Variants in PHACTR3 observed in about 807,000 individuals in gnomAD.
The protein encoded by PHACTR3 is phosphatase and actin regulator 3.
PHACTR3 carries 16 observed loss-of-function variants against 66.8 expected under a neutral mutation model. That is an observed-to-expected ratio of 0.24 (90% CI 0.16 to 0.36). The LOEUF is 0.36. PHACTR3 is among the 10% of genes least tolerant of loss of function. PHACTR3 has a pLI of 1.00. For synonymous variants in PHACTR3, 323 were observed against 292.1 expected (o/e 1.11, Z -1.08); for missense variants, 647 against 719.9 (o/e 0.90, Z 1.16).
chr20:59,702,145 A>G (rs2037530003), intron 1 of PHACTR3, among the ~76,000 whole-genome samples: 1 of 152,130 alleles, frequency 6.6e-6, no homozygotes, highest in Non-Finnish European at 1.5e-5. Context: ...ATTTTTTGGC[A>G]TATGGTCATT....
At chr20:59,605,846 C>CGGGGGGT (rs1555876867) in intron 1 of PHACTR3, among the ~76,000 whole-genome samples, 141 of 7,734 alleles carry the variant, frequency 0.018, no homozygotes, top group Middle Eastern at 0.12. Flanking sequence ...CCTAATAAAG[C>CGGGGGGT]GGGGGGGGAG....
At position 59,747,848 on chromosome 20, in the gene PHACTR3, C is replaced by G; in HGVS notation, c.358+13C>G. 1 of 1,612,690 alleles carries G rather than the reference C, an allele frequency of 6.2e-7. No homozygotes were observed. The highest frequency in any genetic ancestry group is 1.7e-5 in the Admixed American group (1 of 59,962). Reference sequence around the variant, plus strand: ...ATGATGGAGCAGGGTAAGTGGGACCCGTCCCTGGCTTGGAAGGGCACGGTG... The same window carrying G: ...ATGATGGAGCAGGGTAAGTGGGACCGGTCCCTGGCTTGGAAGGGCACGGTG... On this transcript the variant is annotated intron_variant, in intron 3 of 12. Coordinates refer to ENST00000371015, the MANE Select transcript of PHACTR3 (RefSeq NM_080672.5).
In PHACTR3 at chr20:59,707,818, A is replaced by T. The variant is rs985192166; in HGVS notation, c.119-35289A>T. Among the ~76,000 whole-genome samples the T allele has an allele frequency of 3.3e-5, 5 of 152,124 alleles. 1 individual carries two copies. The South Asian group carries it at 1.0e-3, about 32-fold the overall frequency. ...GCCTGCTACCCCTTCACCTTCCACCATGAGTGGAACTTCCTGAGGCCCTCA... is the reference window on the plus strand; with the variant it reads ...GCCTGCTACCCCTTCACCTTCCACCTTGAGTGGAACTTCCTGAGGCCCTCA... On this transcript the variant is annotated intron_variant, in intron 1 of 12. Transcript: ENST00000371015.
intron 1 of PHACTR3, among the ~76,000 whole-genome samples, chr20:59,690,901 A>G (rs1406660393): frequency 6.6e-6 from 1 of 152,144 alleles, no homozygotes; most frequent in Non-Finnish European, 1.5e-5. Flanking sequence ...ATCAGATTAG[A>G]TTTATGGAGC....
At chr20:59,671,815 C>T (rs1259625230) in intron 1 of PHACTR3, among the ~76,000 whole-genome samples, 2 of 152,240 alleles carry the variant, frequency 1.3e-5, no homozygotes, top group Admixed American at 1.3e-4. Context: ...CAGGACCTGC[C>T]TTCTCCAGTT....
At chr20:59,827,699 G>C (rs1168122318) in intron 8 of PHACTR3, among the ~76,000 whole-genome samples, 1 of 152,132 alleles carries the variant, frequency 6.6e-6, no homozygotes, top group Non-Finnish European at 1.5e-5. Context: ...GGGAGCCCAG[G>C]CTCCAGGGGA....
intron 1 of PHACTR3, among the ~76,000 whole-genome samples, chr20:59,597,674 C>T (rs989590656): frequency 6.6e-6 from 1 of 152,220 alleles, no homozygotes; most frequent in Admixed American, 6.5e-5. Context: ...TAAATGAAAA[C>T]CCTACTATCA....
At chr20:59,643,165 C>G in intron 1 of PHACTR3, among the ~76,000 whole-genome samples, 1 of 152,210 alleles carries the variant, frequency 6.6e-6, no homozygotes, top group Non-Finnish European at 1.5e-5. Flanking sequence ...CCCGCCTCGG[C>G]CTCCCAAAGT....
At chr20:59,633,799 C>T (rs1381835268) in intron 1 of PHACTR3, among the ~76,000 whole-genome samples, 1 of 152,100 alleles carries the variant, frequency 6.6e-6, no homozygotes, top group Non-Finnish European at 1.5e-5. Flanking sequence ...AATTTATTAC[C>T]TCCTGTGGCT....
chr20:59,722,415 A>G (rs2038352094), intron 1 of PHACTR3, among the ~76,000 whole-genome samples: 1 of 152,142 alleles, frequency 6.6e-6, no homozygotes, highest in Admixed American at 6.5e-5. Flanking sequence ...GAAGGCCCTG[A>G]GGCAGCAACA....
At chr20:59,734,994 T>C in intron 1 of PHACTR3, among the ~76,000 whole-genome samples, 1 of 152,082 alleles carries the variant, frequency 6.6e-6, no homozygotes, top group Non-Finnish European at 1.5e-5. Context: ...CTTAGTTTTC[T>C]CAGTGGTCAC....
chr20:59,629,499 A>G (rs4810176), intron 1 of PHACTR3, among the ~76,000 whole-genome samples: 116,479 of 152,160 alleles, frequency 0.77, 44,663 homozygotes, highest in East Asian at 0.89. Context: ...TCAAGGTGCC[A>G]GCAGGGCGGG....
At chr20:59,780,090 G>A (rs895671808) in intron 7 of PHACTR3, among the ~76,000 whole-genome samples, 2 of 152,222 alleles carry the variant, frequency 1.3e-5, no homozygotes, top group African/African-American at 4.8e-5. Flanking sequence ...GAGGGACTGA[G>A]GGGCTGCTAT....
chr20:59,625,263 G>A (rs1202906192), intron 1 of PHACTR3, among the ~76,000 whole-genome samples: 1 of 152,004 alleles, frequency 6.6e-6, no homozygotes, highest in Admixed American at 6.6e-5. Flanking sequence ...TGACCCTGAG[G>A]CAGGCCCCAT....
intron 1 of PHACTR3, among the ~76,000 whole-genome samples, chr20:59,664,144 A>G: frequency 6.6e-6 from 1 of 152,208 alleles, no homozygotes; most frequent in Non-Finnish European, 1.5e-5. Context: ...GTAGATGGAT[A>G]AGTAATTAAC....
intron 1 of PHACTR3, among the ~76,000 whole-genome samples, chr20:59,712,700 T>C (rs1405709574): frequency 6.6e-6 from 1 of 152,228 alleles, no homozygotes; most frequent in Non-Finnish European, 1.5e-5. Context: ...TTCTGGTCAT[T>C]TTCTGGGTGA....
At chr20:59,772,977 C>T (rs2040406296) in intron 5 of PHACTR3, among the ~76,000 whole-genome samples, 1 of 152,118 alleles carries the variant, frequency 6.6e-6, no homozygotes, top group Non-Finnish European at 1.5e-5. Flanking sequence ...GAATTCATAG[C>T]AGAGAAGCAG....
At chr20:59,754,168 G>T (rs566824223) in intron 3 of PHACTR3, among the ~76,000 whole-genome samples, 1 of 152,360 alleles carries the variant, frequency 6.6e-6, no homozygotes, top group South Asian at 2.1e-4. Context: ...CCATCCTGCA[G>T]TTGGGTAACT....
At chr20:59,808,982 A>G (rs1600694363) in intron 8 of PHACTR3, among the ~76,000 whole-genome samples, 1 of 152,066 alleles carries the variant, frequency 6.6e-6, no homozygotes, top group African/African-American at 2.4e-5. Context: ...ACACCGCCCA[A>G]CGTCCCCTGA....
Sources: allele counts gnomAD v4.1 joint callset (sites outside exome capture counted in the v4.1 genomes callset), GRCh38; gene constraint gnomAD v4.1.1; transcripts MANE v1.5; gene names NCBI Gene and HGNC (gene_info 2026-07-23, HGNC 2026-07-21).